The following TUBA3C variants were observed in gnomAD, a reference collection of about 807,000 sequenced individuals.
TUBA3C encodes the protein tubulin alpha-3C chain.
In TUBA3C, 23 loss-of-function variants were observed where a neutral mutation model predicts 33.4. That is an observed-to-expected ratio of 0.69 (90% confidence interval 0.50 to 0.98). The LOEUF (loss-of-function observed/expected upper bound fraction) is 0.98, where lower values mean the gene tolerates loss of function less well. Ranked by LOEUF, TUBA3C falls within the 50% of genes least tolerant of loss-of-function variation. The probability of loss-of-function intolerance (pLI) is 0.00; values close to 1 mark genes in which losing one functional copy is unlikely to be tolerated. For synonymous variants in TUBA3C, 269 were observed against 250.4 expected, an observed-to-expected ratio of 1.07 and a Z score of -0.70; for missense variants, 402 against 616.0, an observed-to-expected ratio of 0.65 and a Z score of 3.68.
intron 4 of TUBA3C, 22 bp from the exon 5 acceptor site, chr13:19,174,181 CAG>C (rs1869105103): frequency 6.2e-7 from 1 of 1,602,306 alleles, no homozygotes; most frequent in Admixed American, 1.7e-5. Flanking sequence ...GAGGAAGAAA[CAG>C]TCCATGAAGC....
chr13:19,177,546 C>G lies in TUBA3C; in HGVS notation c.437G>C (p.Gly146Ala). The change falls in exon 4 of 5, where the codon GGC (glycine) becomes GCC (alanine). Residue 146 changes from glycine to alanine, a missense_variant. Coordinates refer to ENST00000400113, the MANE Select transcript of TUBA3C (RefSeq NM_006001.3). This position sits in a 1 kb window ranked among gnomAD's most constrained non-coding sequence, Gnocchi z 5.0. ...CATGAGCAGAGATGCGAACCCAGAG[C>G]CAGTGCCACCCCCAAAACTGTGGAA... is the stretch of plus-strand genomic sequence containing the variant. ...LIFHSFGGGT[G>A]SGFASLLMER... The G allele has an allele frequency of 1.2e-6, 2 of 1,612,954 alleles. No homozygotes were observed. The highest frequency in any genetic ancestry group is 2.7e-5 in the African/African-American group (2 of 74,984).
At chr13:19,174,220 GC>G in intron 4 of TUBA3C, 61 bp from the exon 5 acceptor site, 1 of 1,538,712 alleles carries the variant, frequency 6.5e-7, no homozygotes, top group African/African-American at 1.4e-5. Context: ...AATGGTGGCT[GC>G]TTTTCCTCAA....
intron 2 of TUBA3C, among the ~76,000 whole-genome samples, chr13:19,178,700 C>T (rs12429821): frequency 0.01 from 1,535 of 152,318 alleles, 52 homozygotes; most frequent in East Asian, 0.078. Context: ...GGTAATTCTA[C>T]AGGTACATAA....
intron 1 of TUBA3C, among the ~76,000 whole-genome samples, chr13:19,180,532 T>C (rs1869364493): frequency 1.3e-5 from 2 of 151,834 alleles, no homozygotes; most frequent in African/African-American, 2.4e-5. Context: ...AACAGAGTCT[T>C]GCTCTGTCAC....
chr13:19,180,791 G>A (rs1177776001), intron 1 of TUBA3C, among the ~76,000 whole-genome samples: 3 of 151,720 alleles, frequency 2.0e-5, no homozygotes, highest in Non-Finnish European at 4.4e-5. Context: ...CACAGCGCCC[G>A]GCCGAAAAAT....
chr13:19,176,754 A>AAAAAAAAAAAAAAAC, intron 4 of TUBA3C, among the ~76,000 whole-genome samples, 173 bp downstream of exon 4: 1 of 147,040 alleles, frequency 6.8e-6, no homozygotes, highest in Non-Finnish European at 1.5e-5. Context: ...AAAAAAAAAA[A>AAAAAAAAAAAAAAAC]AAAAAGACAT....
intron 4 of TUBA3C, among the ~76,000 whole-genome samples, chr13:19,175,412 T>C (rs1384462126): frequency 2.0e-5 from 3 of 152,206 alleles, no homozygotes; most frequent in Non-Finnish European, 4.4e-5. Flanking sequence ...GCTTTATCAA[T>C]AGTTGGTTAC....
In TUBA3C at chr13:19,178,401, A is replaced by G. The variant is rs200045171; in HGVS notation, c.227-7T>C. The G allele has an allele frequency of 7.1e-5, 113 of 1,601,712 alleles. No homozygotes were observed. In the South Asian group the frequency reaches 1.2e-3, roughly 17 times the overall value. On this transcript the variant is annotated splice_polypyrimidine_tract_variant and splice_region_variant and intron_variant, in intron 2 of 4. Transcript: ENST00000400113. ...GTTCCTGTGCGCACTTCATCTACAA[A>G]AGAGACCGTATGTACTGTGAATCTT...
rs999811863 is a variant in TUBA3C, at chr13:19,177,951, A to G, written c.375+295T>C. On this transcript the variant is annotated intron_variant, in intron 3 of 4. Coordinates refer to ENST00000400113, the MANE Select transcript of TUBA3C (RefSeq NM_006001.3). This position sits in a 1 kb window ranked among gnomAD's most constrained non-coding sequence, Gnocchi z 5.0. ...AACCTCTGCCTCCCGGGCTCAAGCC[A>G]TTCTCCTGCCTCAGCTTCCTGAGTA... Among the ~76,000 whole-genome samples, 6 of 149,706 alleles carry G rather than the reference A, an allele frequency of 4.0e-5. No homozygotes were observed. The highest frequency in any genetic ancestry group is 1.2e-4 in the African/African-American group (5 of 40,458).
Position 19,177,056 on chromosome 13 carries a change from G to A in TUBA3C, c.927C>T (p.His309=), listed in dbSNP as rs756939318. Residue 309 remains histidine, a synonymous_variant, in exon 4 of 5, where the codon CAC becomes CAT. Coordinates refer to ENST00000400113, the MANE Select transcript of TUBA3C (RefSeq NM_006001.3). The surrounding 1 kb of genome is among the most constrained non-coding windows in gnomAD (Gnocchi z 5.0). The part of the protein sequence containing the change: ...ANQMVKCDPR[H]GKYMACCMLY... ...ACATGCAGCAGGCCATGTACTTGCC[G>A]TGGCGAGGGTCACACTTGACCATCT... 2.0e-5 allele frequency: 33 copies of A among 1,614,030 alleles called. No homozygotes were observed. The highest frequency in any genetic ancestry group is 1.7e-4 in the African/African-American group (13 of 74,912).
At chr13:19,181,075 C>T (rs1417879864) in intron 1 of TUBA3C, among the ~76,000 whole-genome samples, 2 of 146,864 alleles carry the variant, frequency 1.4e-5, no homozygotes, top group African/African-American at 2.5e-5. Context: ...TTTTTTGAGG[C>T]AGGGTCTCTC....
In TUBA3C at chr13:19,177,716, C is replaced by T; in HGVS notation, c.376-109G>A. ...CTGAAGACTTGATATGGATTCCAAT[C>T]ATCCATAATAAACACGCAGTACACT... On this transcript the variant is annotated intron_variant, in intron 3 of 4. Coordinates refer to ENST00000400113, the MANE Select transcript of TUBA3C (RefSeq NM_006001.3). This position sits in a 1 kb window ranked among gnomAD's most constrained non-coding sequence, Gnocchi z 5.0. 7.3e-7 allele frequency: 1 copy of T among 1,361,606 alleles called. No individual in the cohort carries two copies. Among genetic ancestry groups the T allele is most frequent in the Non-Finnish European group, 9.9e-7 (1 of 1,010,338 alleles). 84.3% of individuals were successfully genotyped at this position (1,361,606 alleles called of 1,614,324 possible). A position where few individuals can be genotyped will look rare whatever the true frequency, so the allele number is the denominator to read the frequency against.
intron 4 of TUBA3C, among the ~76,000 whole-genome samples, 170 bp downstream of exon 4, chr13:19,176,757 A>AAAAAAAAAAAAAC (rs1869196718): frequency 2.1e-5 from 3 of 144,834 alleles, no homozygotes; most frequent in Non-Finnish European, 4.5e-5. Context: ...AAAAAAAAAA[A>AAAAAAAAAAAAAC]AAGACATCAC....
chr13:19,177,306 T>C lies in TUBA3C; in HGVS notation c.677A>G (p.Asn226Ser), dbSNP rs1389762673. 2 of 1,613,692 alleles carry C rather than the reference T, an allele frequency of 1.2e-6. No individual in the cohort carries two copies. The highest frequency in any genetic ancestry group is 1.7e-6 in the Non-Finnish European group (2 of 1,179,958). ...GATCTGCCCAATCAGGCGATTGAGGTTGGTGTACGTGGGACGCTCGATGTC... is the reference window on the plus strand; with the variant it reads ...GATCTGCCCAATCAGGCGATTGAGGCTGGTGTACGTGGGACGCTCGATGTC... ...NLDIERPTYT[N>S]LNRLIGQIVS... The change falls in exon 4 of 5, where the codon AAC becomes AGC. Residue 226 changes from asparagine to serine, a missense_variant. Coordinates refer to ENST00000400113, the MANE Select transcript of TUBA3C (RefSeq NM_006001.3). The surrounding 1 kb of genome is among the most constrained non-coding windows in gnomAD (Gnocchi z 5.0).
Position 19,179,522 on chromosome 13 carries a change from C to T in TUBA3C, c.45G>A (p.Gln15=). Residue 15 remains glutamine (Q), a synonymous_variant, in exon 2 of 5, where the codon CAG becomes CAA. Transcript: ENST00000400113. ...ACAGTTCCCAGCAGGCATTGCCGATCTGGACTCCTGCCTGCCCCACGTGGA... is the reference window on the plus strand; with the variant it reads ...ACAGTTCCCAGCAGGCATTGCCGATTTGGACTCCTGCCTGCCCCACGTGGA... The part of the protein sequence containing the change: ...ISIHVGQAGV[Q]IGNACWELYC... The T allele has an allele frequency of 5.0e-6, 8 of 1,614,256 alleles. No individual in the cohort carries two copies. The highest frequency in any genetic ancestry group is 5.9e-6 in the Non-Finnish European group (7 of 1,180,042).
At chr13:19,181,679 T>C in intron 1 of TUBA3C, 66 bp downstream of exon 1, 1 of 1,599,330 alleles carries the variant, frequency 6.3e-7, no homozygotes, top group Non-Finnish European at 8.5e-7. Context: ...TCCAGCCACC[T>C]CAGGAGGCCA....
chr13:19,175,264 A>G (rs1413332655), intron 4 of TUBA3C, among the ~76,000 whole-genome samples: 10 of 152,094 alleles, frequency 6.6e-5, no homozygotes, highest in African/African-American at 2.4e-4. Flanking sequence ...AAACAAAACA[A>G]AACAAAACAA....
At position 19,179,562 on chromosome 13, in the gene TUBA3C, C is replaced by T. The variant is rs371896594; in HGVS notation, c.5G>A (p.Arg2His). Residue 2 changes from arginine (R) to histidine (H), a missense_variant and splice_region_variant, in exon 2 of 5, where the codon CGT becomes CAT. Arg to His is a conservative substitution (Grantham distance 29). Coordinates refer to ENST00000400113, the MANE Select transcript of TUBA3C (RefSeq NM_006001.3). ...CCCCACGTGGATAGAGATACACTCA[C>T]GCTGTGAACCAGAACATAAATGTAG... M[R>H]ECISIHVGQA... 197 of 1,613,386 alleles carry T rather than the reference C, an allele frequency of 1.2e-4. No individual in the cohort carries two copies. The highest frequency in any genetic ancestry group is 1.6e-4 in the Non-Finnish European group (188 of 1,179,470).
rs1869301754 is a variant in TUBA3C at position 19,179,033 on chromosome 13, C to T, written c.226+308G>A. Among the ~76,000 whole-genome samples, 3 of 152,208 alleles carry T rather than the reference C, an allele frequency of 2.0e-5. No individual in the cohort carries two copies. In the South Asian group the frequency reaches 6.2e-4, roughly 31 times the overall value. ...AGAGTACACAGCATTCAGGAGGAAA[C>T]CAATGCCATTGTGCCCTGCAGGCAG... On this transcript the variant is annotated intron_variant, in intron 2 of 4. Transcript: ENST00000400113.
Sources: allele counts gnomAD v4.1 joint callset (sites outside exome capture counted in the v4.1 genomes callset), GRCh38; gene constraint gnomAD v4.1.1; non-coding constraint Gnocchi (gnomAD v3.1); transcripts MANE v1.5; gene names NCBI Gene and HGNC (gene_info 2026-07-23, HGNC 2026-07-21).